Variants in NUP107 observed in about 807,000 individuals in gnomAD.
NUP107 encodes the protein nuclear pore complex protein Nup107.
In NUP107, 101 loss-of-function variants were observed where a neutral mutation model predicts 141.0. That is an observed-to-expected ratio of 0.72 (90% confidence interval 0.61 to 0.84). NUP107 has a LOEUF of 0.84. NUP107 is among the 40% of genes least tolerant of loss of function. NUP107 has a pLI of 0.00. For missense variants in NUP107, 941 were observed against 1,102.7 expected, an observed-to-expected ratio of 0.85 and a Z score of 2.08; for synonymous variants, 319 against 363.9, an observed-to-expected ratio of 0.88 and a Z score of 1.41.
intron 24 of NUP107, 110 bp downstream of exon 24, chr12:68,733,722 C>A: frequency 9.4e-7 from 1 of 1,066,956 alleles, no homozygotes. Flanking sequence ...TCTTACCTCT[C>A]TTGTGACTAT....
chr12:68,742,458 T>A lies in NUP107; in HGVS notation c.2774T>A (p.Leu925Ter). The A allele has an allele frequency of 6.6e-7, 1 of 1,518,516 alleles. No individual in the cohort carries two copies. Among genetic ancestry groups the A allele is most frequent in the Middle Eastern group, 1.7e-4 (1 of 5,852 alleles). The allele number at this position is 1,518,516 out of a possible 1,614,324, so 94.1% of individuals were successfully genotyped here. The change falls in exon 28 of 28, where the codon TTA becomes TAA. Residue 925 changes from leucine (L) to a stop codon, truncating the protein, a stop_gained. Transcript: ENST00000229179. LOFTEE classifies it high-confidence loss of function. ...GLDPLGYEIQ[L>*] is the part of the protein sequence containing the mutation. ...GACCCATTAGGGTATGAAATTCAGT[T>A]ATAGTTTAATCTTTGTAATCTCACT...
At position 68,735,265 on chromosome 12, in the gene NUP107, C is replaced by T. The variant is rs2136048889; in HGVS notation, c.2423C>T (p.Ala808Val). 6.2e-7 allele frequency: 1 copy of T among 1,613,832 alleles called. No individual in the cohort carries two copies. Among genetic ancestry groups the T allele is most frequent in the Non-Finnish European group, 8.5e-7 (1 of 1,179,836 alleles). Residue 808 changes from alanine to valine, a missense_variant, in exon 26 of 28, where the codon GCC becomes GTC. Transcript: ENST00000229179. ...GGTATTTGGAAAGGGCATTTGGATG[C>T]CCTAACTGCTGATGTGAAGGAGAAA... is the stretch of plus-strand genomic sequence containing the variant. ...DFGIWKGHLD[A>V]LTADVKEKMY...
At position 68,745,576 on chromosome 12, in the gene NUP107, A is replaced by G. The variant is rs1878495131; in HGVS notation, c.*3114A>G. 1 of 152,182 alleles carries G rather than the reference A, an allele frequency of 6.6e-6. No homozygotes were observed. Among genetic ancestry groups the G allele is most frequent in the Non-Finnish European group, 1.5e-5 (1 of 68,038 alleles). The allele number at this position is 152,182 out of a possible 1,614,324, so 9.4% of individuals were successfully genotyped here. Reference sequence around the variant, plus strand: ...TGCACCCCTAGAGACAGCTGTATATATATACGGTTTTGCCAGGTTGTACGT... The same window carrying G: ...TGCACCCCTAGAGACAGCTGTATATGTATACGGTTTTGCCAGGTTGTACGT... On this transcript the variant is annotated 3_prime_UTR_variant, in exon 28 of 28. Transcript: ENST00000229179.
chr12:68,697,914 G>A (rs1412923078), intron 6 of NUP107, among the ~76,000 whole-genome samples: 2 of 151,700 alleles, frequency 1.3e-5, no homozygotes, highest in African/African-American at 4.8e-5. Flanking sequence ...TGTAATCCCA[G>A]CTACTTAGGA....
Position 68,721,895 on chromosome 12 carries a change from A to T in NUP107, c.1366A>T (p.Met456Leu). 6.2e-7 allele frequency: 1 copy of T among 1,614,118 alleles called. No individual in the cohort carries two copies. ...EDTVWAYFRV[M>L]VDSLVEQEIQ... ...CACAGTTTGGGCCTACTTCCGGGTG[A>T]TGGTGGACAGTCTGGTAGAACAGGA... The change falls in exon 16 of 28, where the codon ATG becomes TTG. Residue 456 changes from methionine (M) to leucine (L), a missense_variant. Coordinates refer to ENST00000229179, the MANE Select transcript of NUP107 (RefSeq NM_020401.4).
chr12:68,738,367 T>C (rs972267056), intron 26 of NUP107, among the ~76,000 whole-genome samples: 1 of 147,972 alleles, frequency 6.8e-6, no homozygotes, highest in Non-Finnish European at 1.5e-5. Context: ...GGAGAATCGA[T>C]TGAACCCAGG....
Position 68,689,017 on chromosome 12 carries a change from A to G in NUP107, c.64A>G (p.Thr22Ala), listed in dbSNP as rs374836604. The G allele has an allele frequency of 2.5e-6, 4 of 1,613,738 alleles. No homozygotes were observed. The highest frequency in any genetic ancestry group is 2.5e-6 in the Non-Finnish European group (3 of 1,179,846). Residue 22 changes from threonine (T) to alanine (A), a missense_variant, in exon 2 of 28, where the codon ACT becomes GCT. Transcript: ENST00000229179. ...AATCCGGGAGGCAGAGGTGACACGG[A>G]CTGCACGGAAACAGAGTGCTCAGAA... Reference protein sequence around the residue: ...PVIREAEVTRTARKQSAQKRV... With the variant: ...PVIREAEVTRAARKQSAQKRV...
chr12:68,737,516 G>A (rs1169388643), intron 26 of NUP107, among the ~76,000 whole-genome samples: 1 of 143,026 alleles, frequency 7.0e-6, no homozygotes, highest in South Asian at 2.3e-4. Flanking sequence ...AGCCGAGATC[G>A]TGCCACTGCA....
chr12:68,698,476 CTG>C (rs765186071), intron 6 of NUP107, among the ~76,000 whole-genome samples: 3 of 152,218 alleles, frequency 2.0e-5, no homozygotes, highest in East Asian at 3.8e-4. Context: ...GAGTTGAAAA[CTG>C]TATACACAAA....
In NUP107 at chr12:68,709,418, C is replaced by G. The variant is rs77037373; in HGVS notation, c.801+109C>G. 9,386 of 593,522 alleles carry G rather than the reference C, an allele frequency of 0.016. 676 individuals carry two copies. Among genetic ancestry groups the G allele is most frequent in the African/African-American group, 0.15 (8,114 of 52,916 alleles). The allele number at this position is 593,522 out of a possible 1,614,324, so 36.8% of individuals were successfully genotyped here. On this transcript the variant is annotated intron_variant, in intron 9 of 27. Transcript: ENST00000229179. ...TAAAACTGTTTTCTGAATTTTTTTT[C>G]TACTTGATCTTTTTATTTGCAATTA...
chr12:68,702,542 G>A (rs944236466), intron 7 of NUP107, among the ~76,000 whole-genome samples, 194 bp from the exon 8 acceptor site: 1 of 152,080 alleles, frequency 6.6e-6, no homozygotes, highest in African/African-American at 2.4e-5. Context: ...TGGGATTACA[G>A]GTATGAGCCA....
intron 17 of NUP107, among the ~76,000 whole-genome samples, chr12:68,722,461 A>T (rs963648600): frequency 3.9e-5 from 6 of 152,148 alleles, no homozygotes; most frequent in South Asian, 4.1e-4. Context: ...TATTTTCTAA[A>T]AATTATATTC....
rs563223192 is a variant in NUP107 at position 68,709,852 on chromosome 12, G to A, written c.802-153G>A. Among the ~76,000 whole-genome samples, 11 of 151,400 alleles carry A rather than the reference G, an allele frequency of 7.3e-5. No homozygotes were observed. In the South Asian group the frequency reaches 2.3e-3, roughly 32 times the overall value. On this transcript the variant is annotated intron_variant, in intron 9 of 27. Transcript: ENST00000229179. ...TGCAGTGAGCCGAGATTATGCCACTGCACTCCAGCCTGCACGACAGAGTGA... is the reference window on the plus strand; with the variant it reads ...TGCAGTGAGCCGAGATTATGCCACTACACTCCAGCCTGCACGACAGAGTGA...
At chr12:68,697,691 C>A (rs754182712) in intron 6 of NUP107, among the ~76,000 whole-genome samples, 2 of 152,068 alleles carry the variant, frequency 1.3e-5, no homozygotes, top group Non-Finnish European at 2.9e-5. Context: ...AAGATGGGAA[C>A]AGGCACCTCA....
rs756104161 is a variant in NUP107 at position 68,734,667 on chromosome 12, TTTG to T, written c.2263-38_2263-36del. ...TGGTGAAACGATAAAAGTGAAAACTTTTGTTATTTTATATTTTGGTTTTTTTAT... is the reference window on the plus strand; with the variant it reads ...TGGTGAAACGATAAAAGTGAAAACTTTTATTTTATATTTTGGTTTTTTTAT... On this transcript the variant is annotated intron_variant, in intron 24 of 27. Coordinates refer to ENST00000229179, the MANE Select transcript of NUP107 (RefSeq NM_020401.4). 8.4e-6 allele frequency: 12 copies of T among 1,433,152 alleles called. No homozygotes were observed. The African/African-American group carries it at 1.6e-4, about 19-fold the overall frequency. 88.8% of individuals were successfully genotyped at this position (1,433,152 alleles called of 1,614,324 possible). A position where few individuals can be genotyped will look rare whatever the true frequency, so the allele number is the denominator to read the frequency against.
chr12:68,735,206 T>A (rs754472684), intron 25 of NUP107, 25 bp from the exon 26 acceptor site: 9 of 1,412,708 alleles, frequency 6.4e-6, no homozygotes, highest in African/African-American at 2.8e-5. Context: ...ATCCATTATA[T>A]GTCTGCCTTG....
At chr12:68,693,135 TG>T (rs1483411666) in intron 5 of NUP107, among the ~76,000 whole-genome samples, 24 of 151,516 alleles carry the variant, frequency 1.6e-4, no homozygotes, top group Non-Finnish European at 3.2e-4. Flanking sequence ...TGGAGTGCAG[TG>T]GTGCAATCTC....
intron 9 of NUP107, 49 bp downstream of exon 9, chr12:68,709,358 T>A: frequency 1.8e-6 from 2 of 1,085,236 alleles, no homozygotes; most frequent in Non-Finnish European, 2.7e-6. Flanking sequence ...GAGAAAAGGT[T>A]AATGACATGC....
intron 26 of NUP107, chr12:68,739,719 C>T (rs1206092180): frequency 1.3e-5 from 2 of 152,314 alleles, no homozygotes; most frequent in African/African-American, 4.8e-5. Flanking sequence ...CACCTGTAGT[C>T]CCAGCTACTC....
Sources: allele counts gnomAD v4.1 joint callset (sites outside exome capture counted in the v4.1 genomes callset), GRCh38; gene constraint gnomAD v4.1.1; transcripts MANE v1.5; gene names NCBI Gene and HGNC (gene_info 2026-07-23, HGNC 2026-07-21).